Variants in SMG6 observed in about 807,000 individuals in gnomAD.
The protein encoded by SMG6 is SMG6 nonsense mediated mRNA decay factor.
In SMG6, 66 loss-of-function variants were observed where a neutral mutation model predicts 142.2. The observed-to-expected ratio is 0.46, with a 90% CI of 0.38 to 0.57. The LOEUF (loss-of-function observed/expected upper bound fraction) is 0.57. Ranked by LOEUF, SMG6 falls within the 20% of genes least tolerant of loss-of-function variation. SMG6 has a pLI of 0.00. For synonymous variants in SMG6, 779 were observed against 702.4 expected (o/e 1.11, Z -1.72); for missense variants, 1,793 against 1,832.0 (o/e 0.98, Z 0.39).
At chr17:2,204,951 A>C (rs1276087986) in intron 10 of SMG6, among the ~76,000 whole-genome samples, 1 of 152,200 alleles carries the variant, frequency 6.6e-6, no homozygotes, top group African/African-American at 2.4e-5. Context: ...CAACAGAGTA[A>C]AACTCTGCCT....
chr17:2,114,669 C>T (rs1567608717), intron 13 of SMG6, among the ~76,000 whole-genome samples: 1 of 152,078 alleles, frequency 6.6e-6, no homozygotes, highest in African/African-American at 2.4e-5. Context: ...TGGCTCACAC[C>T]TGTAATCCCA....
chr17:2,149,540 A>T (rs1036362901), intron 13 of SMG6, among the ~76,000 whole-genome samples: 1 of 152,180 alleles, frequency 6.6e-6, no homozygotes, highest in Non-Finnish European at 1.5e-5. Context: ...CACAAGGAAG[A>T]ACAGGTGAAA....
At chr17:2,170,905 A>G (rs1429985049) in intron 13 of SMG6, among the ~76,000 whole-genome samples, 3 of 152,250 alleles carry the variant, frequency 2.0e-5, no homozygotes, top group Non-Finnish European at 4.4e-5. Flanking sequence ...CTTGGAATAT[A>G]AAAGAATTCT....
intron 8 of SMG6, among the ~76,000 whole-genome samples, chr17:2,281,558 A>C (rs529665607): frequency 6.6e-6 from 1 of 152,184 alleles, no homozygotes; most frequent in African/African-American, 2.4e-5. Context: ...TCTTTTTCAT[A>C]TCTCACTTGG....
intron 12 of SMG6, among the ~76,000 whole-genome samples, chr17:2,180,769 C>A (rs1269537427): frequency 6.6e-6 from 1 of 152,090 alleles, no homozygotes; most frequent in Non-Finnish European, 1.5e-5. Flanking sequence ...AAGAAGGGTC[C>A]CACATGTCAG....
At chr17:2,137,559 G>A (rs909018073) in intron 13 of SMG6, among the ~76,000 whole-genome samples, 6 of 152,030 alleles carry the variant, frequency 3.9e-5, no homozygotes, top group African/African-American at 1.4e-4. Context: ...AGGGTTCTCG[G>A]GGAGGAGTTT....
chr17:2,206,389 T>C (rs530383971), intron 10 of SMG6, among the ~76,000 whole-genome samples: 120 of 148,050 alleles, frequency 8.1e-4, no homozygotes, highest in African/African-American at 2.9e-3. Context: ...CTGGGCAACA[T>C]AGTGAGACCC....
At chr17:2,283,794 G>A in intron 6 of SMG6, 59 bp from the exon 7 acceptor site, 1 of 1,354,074 alleles carries the variant, frequency 7.4e-7, no homozygotes, top group Middle Eastern at 1.8e-4. Context: ...TCCAGCAAGA[G>A]GCAGCTGACT....
At chr17:2,072,187 A>AG (rs373763696) in intron 15 of SMG6, among the ~76,000 whole-genome samples, 8 of 151,968 alleles carry the variant, frequency 5.3e-5, no homozygotes, top group African/African-American at 1.2e-4. Flanking sequence ...GGTGGGGGTG[A>AG]GGGGGGTGCA....
intron 13 of SMG6, among the ~76,000 whole-genome samples, chr17:2,126,771 A>C (rs923643989): frequency 2.6e-5 from 4 of 151,408 alleles, no homozygotes; most frequent in African/African-American, 9.7e-5. Flanking sequence ...ACTTTTGTGC[A>C]TCAAAGGTGG....
At chr17:2,090,786 C>G (rs146836562) in intron 13 of SMG6, among the ~76,000 whole-genome samples, 3 of 152,318 alleles carry the variant, frequency 2.0e-5, no homozygotes, top group African/African-American at 7.2e-5. Context: ...TCTTGTTTCT[C>G]TAAATGGAGC....
At chr17:2,225,873 A>G (rs542517467) in intron 10 of SMG6, among the ~76,000 whole-genome samples, 1 of 152,366 alleles carries the variant, frequency 6.6e-6, no homozygotes, top group South Asian at 2.1e-4. Context: ...AAGAAGACAG[A>G]AGAAAAAGAG....
chr17:2,064,213 G>A (rs921516926), intron 18 of SMG6, among the ~76,000 whole-genome samples: 2 of 152,134 alleles, frequency 1.3e-5, no homozygotes, highest in African/African-American at 2.4e-5. Flanking sequence ...GAAACGAAAC[G>A]GTGAGAACTG....
chr17:2,130,779 G>T (rs538187614), intron 13 of SMG6, among the ~76,000 whole-genome samples: 84 of 151,802 alleles, frequency 5.5e-4, no homozygotes, highest in African/African-American at 2.0e-3. Context: ...AGGCCAGGCG[G>T]GTGGATCACA....
chr17:2,146,128 A>T (rs1161606353), intron 13 of SMG6, among the ~76,000 whole-genome samples: 1 of 152,234 alleles, frequency 6.6e-6, no homozygotes, highest in Admixed American at 6.5e-5. Context: ...AATTCTCAAA[A>T]AACAATAGTA....
chr17:2,266,188 G>A (rs917276001), intron 8 of SMG6: 1 of 985,286 alleles, frequency 1.0e-6, no homozygotes, highest in Admixed American at 6.1e-5. Flanking sequence ...ATTCTGACGG[G>A]TATCTGGGTC....
At chr17:2,226,056 G>A (rs1378216090) in intron 10 of SMG6, among the ~76,000 whole-genome samples, 1 of 152,052 alleles carries the variant, frequency 6.6e-6, no homozygotes, top group Non-Finnish European at 1.5e-5. Context: ...CAGGCGGATC[G>A]CCTGAGGTCG....
At chr17:2,253,561 C>T (rs953379962) in intron 8 of SMG6, among the ~76,000 whole-genome samples, 18 of 152,162 alleles carry the variant, frequency 1.2e-4, no homozygotes, top group African/African-American at 3.9e-4. Context: ...AGTCACGATT[C>T]TCATGAGCTA....
intron 8 of SMG6, among the ~76,000 whole-genome samples, chr17:2,277,328 G>A (rs1006146269): frequency 6.6e-5 from 10 of 151,632 alleles, no homozygotes; most frequent in South Asian, 4.2e-4. Flanking sequence ...CACCATGCCC[G>A]GCTAACTTTT....
Sources: allele counts gnomAD v4.1 joint callset (sites outside exome capture counted in the v4.1 genomes callset), GRCh38; gene constraint gnomAD v4.1.1; transcripts MANE v1.5; gene names NCBI Gene and HGNC (gene_info 2026-07-23, HGNC 2026-07-21).